Variants in CDKAL1 observed in about 807,000 individuals in gnomAD.
CDKAL1 encodes the protein threonylcarbamoyladenosine tRNA methylthiotransferase.
A neutral mutation model predicts 68.2 loss-of-function variants in CDKAL1; 32 were observed. The observed-to-expected ratio is 0.47, with a 90% CI of 0.35 to 0.63. CDKAL1 has a LOEUF of 0.63. Among genes scored for constraint, CDKAL1 ranks in the 30% least tolerant of loss-of-function variants. The probability of loss-of-function intolerance (pLI) is 0.00; values close to 1 mark genes in which losing one functional copy is unlikely to be tolerated. For missense variants in CDKAL1, 606 were observed against 696.7 expected, an observed-to-expected ratio of 0.87 and a Z score of 1.47; for synonymous variants, 234 against 244.3, an observed-to-expected ratio of 0.96 and a Z score of 0.39.
In CDKAL1 at chr6:20,969,803, C is replaced by T. The variant is rs141942545; in HGVS notation, c.909+14218C>T. 4.6e-5 allele frequency among the ~76,000 whole-genome samples: 7 copies of T among 152,258 alleles called. No homozygotes were observed. The East Asian group carries it at 5.8e-4, about 13-fold the overall frequency. On this transcript the variant is annotated intron_variant, in intron 10 of 15. Coordinates refer to ENST00000274695, the MANE Select transcript of CDKAL1 (RefSeq NM_017774.3). ...TTTAGCCAGAGGTGAGAGTTTAGCA[C>T]GTTCTCAGATATTTGGTTCTCAGCA...
chr6:20,871,142 T>C (rs1760190648), intron 9 of CDKAL1, among the ~76,000 whole-genome samples: 1 of 152,164 alleles, frequency 6.6e-6, no homozygotes, highest in African/African-American at 2.4e-5. Flanking sequence ...TCCCTTCTCA[T>C]GATGATATTT....
chr6:21,133,861 A>G (rs1273256537), intron 13 of CDKAL1, among the ~76,000 whole-genome samples: 2 of 152,248 alleles, frequency 1.3e-5, no homozygotes, highest in African/African-American at 4.8e-5. Context: ...GCACATTTAC[A>G]TGAACACATA....
At chr6:20,984,337 G>A (rs1262399740) in intron 10 of CDKAL1, among the ~76,000 whole-genome samples, 2 of 152,082 alleles carry the variant, frequency 1.3e-5, no homozygotes, top group Admixed American at 1.3e-4. Context: ...CAGGTGAGCG[G>A]GTGCAGGAGC....
At chr6:20,713,594 T>C (rs1346994609) in intron 5 of CDKAL1, among the ~76,000 whole-genome samples, 1 of 152,120 alleles carries the variant, frequency 6.6e-6, no homozygotes, top group Non-Finnish European at 1.5e-5. Context: ...AAAAAGGATA[T>C]GGTAAGCACA....
chr6:20,912,308 G>C (rs138122035), intron 9 of CDKAL1, among the ~76,000 whole-genome samples: 1,615 of 152,222 alleles, frequency 0.011, 28 homozygotes, highest in African/African-American at 0.036. Flanking sequence ...CTTGGGTGGG[G>C]AGGTAGCAGG....
At chr6:20,726,943 G>T (rs1772683441) in intron 5 of CDKAL1, among the ~76,000 whole-genome samples, 1 of 152,184 alleles carries the variant, frequency 6.6e-6, no homozygotes, top group Non-Finnish European at 1.5e-5. Flanking sequence ...AAGACTTTGT[G>T]CAGCCCCTAT....
chr6:21,195,009 A>C (rs1026017618), intron 13 of CDKAL1, among the ~76,000 whole-genome samples: 3 of 152,036 alleles, frequency 2.0e-5, no homozygotes, highest in Non-Finnish European at 2.9e-5. Flanking sequence ...TGGCATGATC[A>C]AAGCTTACTG....
At chr6:21,044,464 C>T (rs1770109245) in intron 11 of CDKAL1, among the ~76,000 whole-genome samples, 1 of 152,164 alleles carries the variant, frequency 6.6e-6, no homozygotes, top group Non-Finnish European at 1.5e-5. Context: ...TATACACTTG[C>T]TTCTTACATT....
At chr6:21,003,363 T>TACACACACACACACACAC (rs1561952856) in intron 11 of CDKAL1, among the ~76,000 whole-genome samples, 1 of 58,818 alleles carries the variant, frequency 1.7e-5, no homozygotes, top group African/African-American at 1.1e-4. Flanking sequence ...TATATATATA[T>TACACACACACACACACAC]ATATATATAC....
intron 8 of CDKAL1, among the ~76,000 whole-genome samples, chr6:20,821,906 T>G (rs1777295973): frequency 6.6e-6 from 1 of 152,208 alleles, no homozygotes; most frequent in Non-Finnish European, 1.5e-5. Context: ...TACTCTTTCA[T>G]GGGAAAATAA....
At chr6:21,038,908 G>A (rs983423708) in intron 11 of CDKAL1, among the ~76,000 whole-genome samples, 16 of 151,928 alleles carry the variant, frequency 1.1e-4, no homozygotes, top group East Asian at 5.8e-4. Flanking sequence ...TATATCTAAC[G>A]CTGATTTCAG....
rs768405644 is a variant in CDKAL1 at position 21,183,400 on chromosome 6, C to T, written c.1300-14621C>T. On this transcript the variant is annotated intron_variant, in intron 13 of 15. Coordinates refer to ENST00000274695, the MANE Select transcript of CDKAL1 (RefSeq NM_017774.3). Reference sequence around the variant, plus strand: ...CTCAAGCCCAGGATCCTAATTCCTCCGGCACCTTTTTGCTTTTTTAGCATA... The same window carrying T: ...CTCAAGCCCAGGATCCTAATTCCTCTGGCACCTTTTTGCTTTTTTAGCATA... 9.2e-5 allele frequency among the ~76,000 whole-genome samples: 14 copies of T among 152,174 alleles called. No homozygotes were observed. The East Asian group carries it at 9.6e-4, about 10-fold the overall frequency.
chr6:20,578,979 T>C (rs9465814), intron 4 of CDKAL1, among the ~76,000 whole-genome samples: 4,978 of 152,216 alleles, frequency 0.033, 259 homozygotes, highest in African/African-American at 0.11. Flanking sequence ...TCTTATACAA[T>C]CTGTGATGAA....
intron 13 of CDKAL1, among the ~76,000 whole-genome samples, chr6:21,168,410 G>A (rs897835909): frequency 6.6e-6 from 1 of 152,222 alleles, no homozygotes; most frequent in Non-Finnish European, 1.5e-5. Context: ...AGCAGATGCT[G>A]TACAGGTAAC....
intron 8 of CDKAL1, among the ~76,000 whole-genome samples, chr6:20,797,856 G>T (rs971075267): frequency 1.4e-5 from 2 of 142,570 alleles, no homozygotes; most frequent in Non-Finnish European, 3.0e-5. Flanking sequence ...TAGCTCTATC[G>T]CCCAGGCTGG....
intron 15 of CDKAL1, among the ~76,000 whole-genome samples, chr6:21,213,406 G>A (rs1779234274): frequency 6.6e-6 from 1 of 152,196 alleles, no homozygotes; most frequent in Non-Finnish European, 1.5e-5. Context: ...CATGGATGAT[G>A]TTTTGCCCTA....
intron 9 of CDKAL1, among the ~76,000 whole-genome samples, chr6:20,928,366 A>T (rs1320961754): frequency 6.6e-6 from 1 of 152,256 alleles, no homozygotes; most frequent in Non-Finnish European, 1.5e-5. Flanking sequence ...TATTATGTGC[A>T]GTGATTGTAA....
At chr6:20,607,886 G>A (rs1044958912) in intron 4 of CDKAL1, among the ~76,000 whole-genome samples, 5 of 151,894 alleles carry the variant, frequency 3.3e-5, no homozygotes, top group Admixed American at 6.6e-5. Context: ...GTAGAGATGG[G>A]GTTTCACCAT....
intron 13 of CDKAL1, among the ~76,000 whole-genome samples, chr6:21,114,466 C>T (rs1774299372): frequency 6.6e-6 from 1 of 152,128 alleles, no homozygotes; most frequent in Non-Finnish European, 1.5e-5. Context: ...GATGTGGTGG[C>T]TCATCCCTGT....
Sources: allele counts gnomAD v4.1 joint callset (sites outside exome capture counted in the v4.1 genomes callset), GRCh38; gene constraint gnomAD v4.1.1; transcripts MANE v1.5; gene names NCBI Gene and HGNC (gene_info 2026-07-23, HGNC 2026-07-21).